SHBG: variants seen among roughly 807,000 people sequenced by gnomAD.
SHBG encodes sex hormone-binding globulin.
SHBG carries 37 observed loss-of-function variants against 41.9 expected under a neutral mutation model. The observed-to-expected ratio is 0.88, with a 90% CI of 0.68 to 1.16. The LOEUF is 1.16. Ranked by LOEUF, SHBG falls within the 50% of genes most tolerant of loss-of-function variation. SHBG has a pLI of 0.00. For synonymous variants in SHBG, 217 were observed against 205.8 expected (o/e 1.05, Z -0.47); for missense variants, 466 against 499.9 (o/e 0.93, Z 0.65).
In SHBG at chr17:7,630,154, G is replaced by T; in HGVS notation, c.-19G>T. The T allele has an allele frequency of 6.2e-7, 1 of 1,601,512 alleles. No homozygotes were observed. Among genetic ancestry groups the T allele is most frequent in the South Asian group, 1.1e-5 (1 of 90,818 alleles). On this transcript the variant is annotated 5_prime_UTR_variant, in exon 1 of 8. Coordinates refer to ENST00000380450, the MANE Select transcript of SHBG (RefSeq NM_001040.5). The surrounding 1 kb of genome is among the most constrained non-coding windows in gnomAD (Gnocchi z 4.6). ...TCTCCCAAGAGTTGTCTGAGCCGCC[G>T]AGTGGACAGTGGCTGATTATGGAGA...
intron 1 of SHBG, among the ~76,000 whole-genome samples, chr17:7,622,549 A>G (rs1394084033): frequency 6.6e-6 from 1 of 152,074 alleles, no homozygotes; most frequent in Non-Finnish European, 1.5e-5. Context: ...CTGGGATTAC[A>G]GGCGTGAGCC....
At chr17:7,619,792 T>C (rs1288479044) in intron 1 of SHBG, among the ~76,000 whole-genome samples, 1 of 151,548 alleles carries the variant, frequency 6.6e-6, no homozygotes, top group Admixed American at 6.6e-5. Context: ...GGAAAAATAG[T>C]GCTTCTCTTT....
At chr17:7,627,183 A>G, upstream of SHBG, 2 of 1,614,086 alleles carry the variant, frequency 1.2e-6, no homozygotes, top group Non-Finnish European at 1.7e-6. This position sits in a 1 kb window ranked among gnomAD's most constrained non-coding sequence, Gnocchi z 4.8. Context: ...CTGCTACCAA[A>G]CAGTGATAGA....
At position 7,630,788 on chromosome 17, in the gene SHBG, G is replaced by T. The variant is rs1296469855; in HGVS notation, c.312G>T (p.Arg104Ser). The T allele has an allele frequency of 1.2e-6, 2 of 1,614,102 alleles. No individual in the cohort carries two copies. Among genetic ancestry groups the T allele is most frequent in the Non-Finnish European group, 1.7e-6 (2 of 1,180,006 alleles). The change falls in exon 3 of 8, where the codon AGG becomes AGT. Residue 104 changes from arginine (R) to serine (S), a missense_variant. Arg to Ser is a moderately radical substitution (Grantham distance 110, BLOSUM62 -1). Transcript: ENST00000380450. This position sits in a 1 kb window ranked among gnomAD's most constrained non-coding sequence, Gnocchi z 4.6. ...TTATGCTGGGACTTCGAGACGGCAG[G>T]CCTGAGATCCAACTGCACAATCACT... ...DWFMLGLRDG[R>S]PEIQLHNHWA...
chr17:7,632,880 C>G lies in SHBG; in HGVS notation c.981C>G (p.Ala327=). The G allele has an allele frequency of 6.2e-7, 1 of 1,614,118 alleles. No individual in the cohort carries two copies. Among genetic ancestry groups the G allele is most frequent in the Non-Finnish European group, 8.5e-7 (1 of 1,180,026 alleles). Residue 327 remains alanine (A), a synonymous_variant, in exon 7 of 8, where the codon GCC becomes GCG. Coordinates refer to ENST00000380450, the MANE Select transcript of SHBG (RefSeq NM_001040.5). The stretch of plus-strand genomic sequence containing the variant: ...AAGGGTCGAAGATGAAGGCCCTTGC[C>G]CTGCCTCCCTTAGGCCTGGCTCCCC... The part of the protein sequence containing the change: ...LSQGSKMKAL[A]LPPLGLAPLL...
upstream of SHBG, chr17:7,628,076 C>A (rs1317660466): frequency 2.1e-6 from 1 of 466,078 alleles, no homozygotes; most frequent in South Asian, 1.5e-5. Flanking sequence ...AAGGCTCCCC[C>A]GCAGTGCTTT....
Position 7,633,191 on chromosome 17 carries a change from T to G in SHBG, c.1061-13T>G. On this transcript the variant is annotated splice_polypyrimidine_tract_variant and intron_variant, in intron 7 of 7. Transcript: ENST00000380450. ...TAATGCTCTAATGCCACCTTTGCAC[T>G]ACCTCCCTCTAGGAGAAGACTCTTC... 6.2e-7 allele frequency: 1 copy of G among 1,614,134 alleles called. No homozygotes were observed. Among genetic ancestry groups the G allele is most frequent in the Non-Finnish European group, 8.5e-7 (1 of 1,179,982 alleles).
chr17:7,617,819 C>T (rs756066412), intron 1 of SHBG, among the ~76,000 whole-genome samples: 1 of 152,190 alleles, frequency 6.6e-6, no homozygotes, highest in African/African-American at 2.4e-5. Context: ...TGTGGTGGCT[C>T]ATGCCTGTAA....
chr17:7,621,836 C>T (rs1166563869), intron 1 of SHBG, among the ~76,000 whole-genome samples: 1 of 150,996 alleles, frequency 6.6e-6, no homozygotes, highest in Non-Finnish European at 1.5e-5. Flanking sequence ...ATTTGAGAGA[C>T]ATTTTAATTT....
chr17:7,630,178 G>A lies in SHBG; in HGVS notation c.6G>A (p.Glu2=). The A allele has an allele frequency of 6.2e-7, 1 of 1,613,602 alleles. No homozygotes were observed. Among genetic ancestry groups the A allele is most frequent in the Non-Finnish European group, 8.5e-7 (1 of 1,179,548 alleles). M[E]SRGPLATSRL... ...CGAGTGGACAGTGGCTGATTATGGA[G>A]AGCAGAGGCCCACTGGCTACCTCGC... The change falls in exon 1 of 8, where the codon GAG becomes GAA. Residue 2 remains glutamate (E), a synonymous_variant. Coordinates refer to ENST00000380450, the MANE Select transcript of SHBG (RefSeq NM_001040.5). This position sits in a 1 kb window ranked among gnomAD's most constrained non-coding sequence, Gnocchi z 4.6.
Position 7,633,284 on chromosome 17 carries a change from A to C in SHBG, c.1141A>C (p.Arg381=), listed in dbSNP as rs748864085. 3.5e-5 allele frequency: 57 copies of C among 1,614,098 alleles called. No homozygotes were observed. Among genetic ancestry groups the C allele is most frequent in the Non-Finnish European group, 4.7e-5 (56 of 1,180,034 alleles). ...QRLDVDQALN[R]SHEIWTHSCP... is the part of the protein sequence containing the mutation. ...GCTGGATGTGGACCAGGCCCTGAACAGAAGCCATGAGATCTGGACTCACAG... is the reference window on the plus strand; with the variant it reads ...GCTGGATGTGGACCAGGCCCTGAACCGAAGCCATGAGATCTGGACTCACAG... Residue 381 remains arginine (R), a synonymous_variant, in exon 8 of 8, where the codon AGA becomes CGA. Coordinates refer to ENST00000380450, the MANE Select transcript of SHBG (RefSeq NM_001040.5).
intron 6 of SHBG, among the ~76,000 whole-genome samples, chr17:7,632,262 T>G (rs1191019556): frequency 6.7e-6 from 1 of 149,760 alleles, no homozygotes; most frequent in Non-Finnish European, 1.5e-5. Context: ...CTGGGCAACA[T>G]AGCAGAGACC....
intron 1 of SHBG, among the ~76,000 whole-genome samples, chr17:7,620,540 C>A (rs1035201614): frequency 6.6e-6 from 1 of 151,988 alleles, no homozygotes; most frequent in African/African-American, 2.4e-5. Flanking sequence ...AGGCTGGTCT[C>A]GAACTCCTGA....
intron 1 of SHBG, among the ~76,000 whole-genome samples, chr17:7,620,817 G>A (rs1273638150): frequency 1.3e-5 from 2 of 151,660 alleles, no homozygotes; most frequent in African/African-American, 4.8e-5. Flanking sequence ...ATTTAGTAGA[G>A]ACAGGGTTTC....
In SHBG at chr17:7,630,570, C is replaced by T; in HGVS notation, c.203+63C>T. 5 of 1,553,886 alleles carry T rather than the reference C, an allele frequency of 3.2e-6. No homozygotes were observed. In the South Asian group the frequency reaches 4.5e-5, roughly 14 times the overall value. On this transcript the variant is annotated intron_variant, in intron 2 of 7. Coordinates refer to ENST00000380450, the MANE Select transcript of SHBG (RefSeq NM_001040.5). The surrounding 1 kb of genome is among the most constrained non-coding windows in gnomAD (Gnocchi z 4.6). ...TTCTGCCCTCTCTCCATCAGCTCTTCTCTTTTCCCTGTCTTCCTTTCCTTA... is the reference window on the plus strand; with the variant it reads ...TTCTGCCCTCTCTCCATCAGCTCTTTTCTTTTCCCTGTCTTCCTTTCCTTA...
At chr17:7,630,110 G>A, upstream of SHBG, 1 of 1,399,960 alleles carries the variant, frequency 7.1e-7, no homozygotes, top group Non-Finnish European at 1.0e-6. The surrounding 1 kb of genome is among the most constrained non-coding windows in gnomAD (Gnocchi z 4.6). Flanking sequence ...CACACGCAAG[G>A]CTGCCTGCCT....
upstream of SHBG, chr17:7,627,979 T>C: frequency 1.9e-6 from 1 of 516,356 alleles, no homozygotes; most frequent in South Asian, 1.6e-5. The surrounding 1 kb of genome is among the most constrained non-coding windows in gnomAD (Gnocchi z 4.8). Flanking sequence ...GTGACTGGGC[T>C]CCTGGGTAGA....
At chr17:7,629,995 G>A (rs945484906), upstream of SHBG, 1 of 678,648 alleles carries the variant, frequency 1.5e-6, no homozygotes, top group Non-Finnish European at 2.7e-6. Context: ...CCCCAGAGGG[G>A]TGATAGCTGA....
upstream of SHBG, chr17:7,629,946 G>T (rs754040859): frequency 2.5e-5 from 15 of 606,400 alleles, no homozygotes; most frequent in Non-Finnish European, 3.9e-5. Flanking sequence ...GGCAGTGGAG[G>T]ATGATAGTGG....
Sources: allele counts gnomAD v4.1 joint callset (sites outside exome capture counted in the v4.1 genomes callset), GRCh38; gene constraint gnomAD v4.1.1; non-coding constraint Gnocchi (gnomAD v3.1); transcripts MANE v1.5; gene names NCBI Gene and HGNC (gene_info 2026-07-23, HGNC 2026-07-21).